HAPLN1: variants seen among roughly 807,000 people sequenced by gnomAD.
The protein encoded by HAPLN1 is Cartilage link protein.
Under a neutral mutation model 36.5 loss-of-function variants are expected in HAPLN1, and 13 were observed. That is an observed-to-expected ratio of 0.36 (90% CI 0.23 to 0.57). The LOEUF (loss-of-function observed/expected upper bound fraction) is 0.57, where lower values mean the gene tolerates loss of function less well. Ranked by LOEUF, HAPLN1 falls within the 20% of genes least tolerant of loss-of-function variation. HAPLN1 has a pLI of 0.83. For missense variants in HAPLN1, 407 were observed against 439.7 expected (o/e 0.93, Z 0.66); for synonymous variants, 202 against 169.8 (o/e 1.19, Z -1.48).
At chr5:83,658,831 A>G (rs1194945717) in intron 2 of HAPLN1, among the ~76,000 whole-genome samples, 1 of 152,118 alleles carries the variant, frequency 6.6e-6, no homozygotes, top group East Asian at 1.9e-4. Context: ...CAAAGAGTTC[A>G]TTACTTTTAT....
chr5:83,663,996 G>A (rs1238811020), intron 2 of HAPLN1, among the ~76,000 whole-genome samples: 2 of 151,704 alleles, frequency 1.3e-5, no homozygotes, highest in East Asian at 3.9e-4. Flanking sequence ...GTCACCCTTT[G>A]CTCAAACAAA....
intron 3 of HAPLN1, among the ~76,000 whole-genome samples, chr5:83,647,685 T>C (rs1749912486): frequency 6.6e-6 from 1 of 152,150 alleles, no homozygotes; most frequent in Non-Finnish European, 1.5e-5. Flanking sequence ...CTTTTATGGA[T>C]GGGAAAGAAG....
chr5:83,641,111 A>G lies in HAPLN1; in HGVS notation c.*385T>C, dbSNP rs1749675439. ...TTTGTTTATTGTAGTGCATTTCAAA[A>G]TTGTACAAATGTGTAAAGTTTGTGC... On this transcript the variant is annotated 3_prime_UTR_variant, in exon 5 of 5. Coordinates refer to ENST00000274341, the MANE Select transcript of HAPLN1 (RefSeq NM_001884.4). The G allele has an allele frequency of 6.5e-6, 1 of 152,828 alleles. No homozygotes were observed. Among genetic ancestry groups the G allele is most frequent in the African/African-American group, 2.4e-5 (1 of 41,430 alleles). The allele number at this position is 152,828 out of a possible 1,614,324, so 9.5% of individuals were successfully genotyped here. A position where few individuals can be genotyped will look rare whatever the true frequency, so the allele number is the denominator to read the frequency against.
At chr5:83,716,794 G>T (rs756184377) in intron 1 of HAPLN1, among the ~76,000 whole-genome samples, 77 of 152,300 alleles carry the variant, frequency 5.1e-4, no homozygotes, top group Non-Finnish European at 8.2e-4. Context: ...TACTTTGGGA[G>T]GCCGAGGCGG....
intron 1 of HAPLN1, among the ~76,000 whole-genome samples, chr5:83,698,967 TATA>T (rs2112627236): frequency 6.6e-6 from 1 of 152,338 alleles, no homozygotes; most frequent in Non-Finnish European, 1.5e-5. Flanking sequence ...TAAGTAGAAG[TATA>T]ATATTTTTAG....
rs139624365 is a variant in HAPLN1, at chr5:83,687,667, C to G, written c.-26-14118G>C. Among the ~76,000 whole-genome samples the G allele has an allele frequency of 5.8e-4, 89 of 152,264 alleles. No homozygotes were observed. In the East Asian group the frequency reaches 0.016, roughly 27 times the overall value. On this transcript the variant is annotated intron_variant, in intron 1 of 4. Transcript: ENST00000274341. ...CATTGTATTATTAATCCTTGTATCT[C>G]CAGCACATATGCTGAAAAAATTTCT...
In HAPLN1 at chr5:83,695,585, GATAA is replaced by G. The variant is rs199858595; in HGVS notation, c.-26-22040_-26-22037del. Among the ~76,000 whole-genome samples, 4,292 of 144,470 alleles carry G rather than the reference GATAA, an allele frequency of 0.03. 268 individuals carry two copies. In the East Asian group the frequency reaches 0.3, roughly 10 times the overall value. The allele number at this position is 144,470 out of a possible 152,430, so 94.8% of individuals were successfully genotyped here. A position where few individuals can be genotyped will look rare whatever the true frequency, so the allele number is the denominator to read the frequency against. Reference sequence around the variant, plus strand: ...AGATGTTTATATAAATATATATAGAGATAAATATATATCTATATAGATATCTATA... The same window carrying G: ...AGATGTTTATATAAATATATATAGAGATATATATCTATATAGATATCTATA... On this transcript the variant is annotated intron_variant, in intron 1 of 4. Transcript: ENST00000274341.
intron 2 of HAPLN1, among the ~76,000 whole-genome samples, chr5:83,653,741 C>T (rs1750140111): frequency 6.6e-6 from 1 of 152,216 alleles, no homozygotes; most frequent in African/African-American, 2.4e-5. Context: ...ACCACAATAT[C>T]CTGAGCCTGC....
At chr5:83,657,155 G>A (rs1347863281) in intron 2 of HAPLN1, among the ~76,000 whole-genome samples, 3 of 151,600 alleles carry the variant, frequency 2.0e-5, no homozygotes, top group Non-Finnish European at 4.4e-5. Flanking sequence ...GAGTGCAATG[G>A]CACCAACTTG....
intron 2 of HAPLN1, among the ~76,000 whole-genome samples, chr5:83,664,595 C>T (rs941773902): frequency 6.6e-6 from 1 of 152,150 alleles, no homozygotes; most frequent in African/African-American, 2.4e-5. Context: ...GTTGGCCAGG[C>T]TGGTCTTAAA....
At chr5:83,692,310 GC>G (rs1751297284) in intron 1 of HAPLN1, among the ~76,000 whole-genome samples, 1 of 151,852 alleles carries the variant, frequency 6.6e-6, no homozygotes, top group Non-Finnish European at 1.5e-5. Flanking sequence ...CAAGAAACAT[GC>G]AGAAAATTAA....
chr5:83,676,476 T>C (rs2112603581), intron 1 of HAPLN1, among the ~76,000 whole-genome samples: 1 of 152,284 alleles, frequency 6.6e-6, no homozygotes, highest in South Asian at 2.1e-4. Context: ...AGGGTCACAG[T>C]CTTCAGGTGT....
At chr5:83,665,921 T>G (rs1750538216) in intron 2 of HAPLN1, among the ~76,000 whole-genome samples, 1 of 152,216 alleles carries the variant, frequency 6.6e-6, no homozygotes, top group Non-Finnish European at 1.5e-5. Flanking sequence ...TTGTACTGAC[T>G]ACTTGATAAT....
chr5:83,662,173 G>A (rs1229211451), intron 2 of HAPLN1, among the ~76,000 whole-genome samples: 2 of 152,194 alleles, frequency 1.3e-5, no homozygotes, highest in South Asian at 4.1e-4. Context: ...AAAGTGCTGG[G>A]ATTACAGGCG....
chr5:83,650,895 A>T (rs1349049335), intron 3 of HAPLN1, among the ~76,000 whole-genome samples: 1 of 151,910 alleles, frequency 6.6e-6, no homozygotes, highest in East Asian at 1.9e-4. Context: ...TTATTTTCTT[A>T]GTCCCCTTTC....
chr5:83,716,331 C>T (rs915994687), intron 1 of HAPLN1, among the ~76,000 whole-genome samples: 2 of 152,178 alleles, frequency 1.3e-5, no homozygotes, highest in Non-Finnish European at 2.9e-5. Flanking sequence ...TTGTCTTAAA[C>T]AGATTGAGAA....
chr5:83,714,159 G>T (rs771258093), intron 1 of HAPLN1, among the ~76,000 whole-genome samples: 28 of 152,028 alleles, frequency 1.8e-4, no homozygotes, highest in Non-Finnish European at 3.2e-4. Flanking sequence ...TCAGGCATTC[G>T]TATCTCCAAG....
intron 3 of HAPLN1, among the ~76,000 whole-genome samples, chr5:83,650,625 T>C (rs1175791041): frequency 7.1e-6 from 1 of 141,736 alleles, no homozygotes; most frequent in African/African-American, 2.7e-5. Flanking sequence ...GAGAAAAAAA[T>C]TCTTTTCTTT....
chr5:83,641,351 A>G lies in HAPLN1; in HGVS notation c.*145T>C. ...AGCTTTACAAAAAACAAATCAATGAATTGATCTTTATGAAAATGACTCTTT... is the reference window on the plus strand; with the variant it reads ...AGCTTTACAAAAAACAAATCAATGAGTTGATCTTTATGAAAATGACTCTTT... On this transcript the variant is annotated 3_prime_UTR_variant, in exon 5 of 5. Transcript: ENST00000274341. 1 of 590,480 alleles carries G rather than the reference A, an allele frequency of 1.7e-6. No homozygotes were observed. Among genetic ancestry groups the G allele is most frequent in the Non-Finnish European group, 2.8e-6 (1 of 352,358 alleles). The allele number at this position is 590,480 out of a possible 1,614,324, so 36.6% of individuals were successfully genotyped here.
Sources: gnomAD v4.1 joint callset for allele counts (sites outside exome capture counted in the v4.1 genomes callset) on GRCh38, gnomAD v4.1.1 for gene constraint, MANE v1.5 for transcripts, NCBI Gene and HGNC (gene_info 2026-07-23, HGNC 2026-07-21) for gene names.